The following CALN1 variants were observed in gnomAD, a reference collection of about 807,000 sequenced individuals.
The protein encoded by CALN1 is calcium-binding protein 8.
In CALN1, 17 loss-of-function variants were observed where a neutral mutation model predicts 30.6. The ratio of observed to expected loss-of-function variants is 0.56; its 90% CI spans 0.38 to 0.83. The LOEUF (loss-of-function observed/expected upper bound fraction) is 0.83, where lower values mean the gene tolerates loss of function less well. Ranked by LOEUF, CALN1 falls within the 40% of genes least tolerant of loss-of-function variation. The pLI is 0.00. For missense variants in CALN1, 291 were observed against 354.9 expected, an observed-to-expected ratio of 0.82 and a Z score of 1.45; for synonymous variants, 156 against 131.4, an observed-to-expected ratio of 1.19 and a Z score of -1.28.
At chr7:71,844,415 G>A (rs974918244) in intron 5 of CALN1, among the ~76,000 whole-genome samples, 1 of 152,158 alleles carries the variant, frequency 6.6e-6, no homozygotes, top group Non-Finnish European at 1.5e-5. Context: ...ACAGCTTTAT[G>A]CATAGCCAGT....
At chr7:71,920,230 G>A (rs1794870305) in intron 5 of CALN1, among the ~76,000 whole-genome samples, 1 of 151,482 alleles carries the variant, frequency 6.6e-6, no homozygotes, top group Admixed American at 6.6e-5. Flanking sequence ...GTACTGGCCT[G>A]TAAATAGTTT....
At chr7:72,466,242 T>G in the CALN1 span, among the ~76,000 whole-genome samples, 17 of 148,254 alleles carry the variant, frequency 1.1e-4, no homozygotes, top group East Asian at 3.3e-3. Flanking sequence ...AGATGTGTGG[T>G]GTGTGTGTGT....
At chr7:72,169,456 A>G (rs1170696477) in intron 3 of CALN1, among the ~76,000 whole-genome samples, 1 of 149,934 alleles carries the variant, frequency 6.7e-6, no homozygotes, top group African/African-American at 2.5e-5. Flanking sequence ...AGTAGCTAGG[A>G]CTACAGGTGC....
intron 1 of CALN1, among the ~76,000 whole-genome samples, chr7:72,432,208 A>T (rs1370479280): frequency 2.6e-5 from 4 of 151,996 alleles, no homozygotes; most frequent in African/African-American, 7.2e-5. Flanking sequence ...TGGTTCTATA[A>T]AGGGCAGTTC....
In CALN1 at chr7:72,404,539, T is replaced by C. The variant is rs145953748; in HGVS notation, c.-73-1097A>G. ...TGGATCAGGGCCCCATCTGAGAGAG[T>C]TGTACCCATAAGAACGTCTACACAT... is the stretch of plus-strand genomic sequence containing the variant. On this transcript the variant is annotated intron_variant, in intron 1 of 6. Coordinates refer to ENST00000395275, the MANE Select transcript of CALN1 (RefSeq NM_031468.4). 6.6e-3 allele frequency among the ~76,000 whole-genome samples: 1,007 copies of C among 151,944 alleles called. 10 individuals are homozygous for C. Among genetic ancestry groups the C allele is most frequent in the Middle Eastern group, 0.037 (11 of 294 alleles).
chr7:72,477,494 TAC>T, the CALN1 span, among the ~76,000 whole-genome samples: 2 of 152,182 alleles, frequency 1.3e-5, no homozygotes, highest in African/African-American at 4.8e-5. Flanking sequence ...CATAGCTCAC[TAC>T]AGCCTTGAAC....
At chr7:72,015,479 G>T (rs1004346302) in intron 5 of CALN1, among the ~76,000 whole-genome samples, 1 of 147,358 alleles carries the variant, frequency 6.8e-6, no homozygotes, top group Non-Finnish European at 1.5e-5. Flanking sequence ...CACTCTTGTC[G>T]CCCAGGCTGG....
chr7:72,393,590 T>C (rs1423810959), intron 2 of CALN1, among the ~76,000 whole-genome samples: 1 of 152,186 alleles, frequency 6.6e-6, no homozygotes, highest in Non-Finnish European at 1.5e-5. Context: ...TGTACTCTGT[T>C]GATCATCAGA....
chr7:71,843,525 C>T (rs1297964301), intron 5 of CALN1, among the ~76,000 whole-genome samples: 1 of 152,040 alleles, frequency 6.6e-6, no homozygotes, highest in Non-Finnish European at 1.5e-5. Flanking sequence ...TGAAAGGCTG[C>T]AGCAGGAGGA....
intron 5 of CALN1, among the ~76,000 whole-genome samples, chr7:71,886,439 A>G (rs1414497549): frequency 6.6e-6 from 1 of 152,182 alleles, no homozygotes; most frequent in Non-Finnish European, 1.5e-5. Flanking sequence ...ATAAAGCTTC[A>G]TGTGCTCTTT....
chr7:72,403,602 C>T (rs1192071070), intron 1 of CALN1, among the ~76,000 whole-genome samples, 160 bp from the exon 2 acceptor site: 1 of 152,196 alleles, frequency 6.6e-6, no homozygotes, highest in East Asian at 1.9e-4. Flanking sequence ...AGTTGAGACA[C>T]ATGTTTAGTT....
chr7:72,237,607 T>C (rs1176931300), intron 3 of CALN1, among the ~76,000 whole-genome samples: 1 of 152,170 alleles, frequency 6.6e-6, no homozygotes, highest in Non-Finnish European at 1.5e-5. Flanking sequence ...TTAGAGCATT[T>C]CAGGTTGGCT....
chr7:71,785,110 G>A lies in CALN1; in HGVS notation c.*2665C>T, dbSNP rs967411959. On this transcript the variant is annotated 3_prime_UTR_variant, in exon 7 of 7. Coordinates refer to ENST00000395275, the MANE Select transcript of CALN1 (RefSeq NM_031468.4). ...GTCCTTCAGTCCCTGGGTGCCACAT[G>A]GGGGGTTACCACAGTGGGAAGATAA... is the stretch of plus-strand genomic sequence containing the variant. 1.1e-5 allele frequency: 4 copies of A among 378,468 alleles called. No homozygotes were observed. The highest frequency in any genetic ancestry group is 8.3e-5 in the African/African-American group (4 of 48,194). 23.4% of individuals were successfully genotyped at this position (378,468 alleles called of 1,614,324 possible).
chr7:71,919,585 T>C (rs1292859844), intron 5 of CALN1, among the ~76,000 whole-genome samples: 4 of 152,286 alleles, frequency 2.6e-5, no homozygotes, highest in East Asian at 1.9e-4. Flanking sequence ...AACAGAACAA[T>C]GTACAAGAGA....
intron 2 of CALN1, among the ~76,000 whole-genome samples, chr7:72,401,128 G>A (rs572260509): frequency 2.6e-5 from 4 of 152,262 alleles, no homozygotes; most frequent in Non-Finnish European, 5.9e-5. Flanking sequence ...CCTATAGATG[G>A]GGACTGCATT....
At chr7:71,997,015 G>T (rs756607571) in intron 5 of CALN1, among the ~76,000 whole-genome samples, 4 of 152,084 alleles carry the variant, frequency 2.6e-5, no homozygotes, top group Non-Finnish European at 5.9e-5. Flanking sequence ...ATTGCTTGAG[G>T]CCAGGAGTTC....
At chr7:72,304,221 G>A (rs188755133) in intron 2 of CALN1, among the ~76,000 whole-genome samples, 30 of 152,340 alleles carry the variant, frequency 2.0e-4, no homozygotes, top group Admixed American at 7.8e-4. Flanking sequence ...AATTCAGATT[G>A]GAAAAATAAA....
intron 5 of CALN1, among the ~76,000 whole-genome samples, chr7:71,884,104 G>A (rs1243142542): frequency 1.3e-5 from 2 of 152,020 alleles, no homozygotes; most frequent in African/African-American, 2.4e-5. Context: ...TAATAAAGAC[G>A]AGGTTTCACC....
Position 72,199,838 on chromosome 7 carries a change from AAAC to A in CALN1, c.244+78845_244+78847del, listed in dbSNP as rs940939631. On this transcript the variant is annotated intron_variant, in intron 3 of 6. Coordinates refer to ENST00000395275, the MANE Select transcript of CALN1 (RefSeq NM_031468.4). ...CTGGGAGACAGAGTCCCAACAAACA[AAAC>A]AACAACAACAAAATCCACAACTGAG... 3.4e-4 allele frequency among the ~76,000 whole-genome samples: 51 copies of A among 152,140 alleles called. No individual in the cohort carries two copies. The South Asian group carries it at 5.8e-3, about 17-fold the overall frequency.
Sources: gnomAD v4.1 joint callset for allele counts (sites outside exome capture counted in the v4.1 genomes callset) on GRCh38, gnomAD v4.1.1 for gene constraint, MANE v1.5 for transcripts, NCBI Gene and HGNC (gene_info 2026-07-23, HGNC 2026-07-21) for gene names.